Variants in PDE8A observed in about 807,000 individuals in gnomAD.
The protein encoded by PDE8A is phosphodiesterase 8A, also known as high affinity cAMP-specific and IBMX-insensitive 3',5'-cyclic phosphodiesterase 8A.
A neutral mutation model predicts 105.0 loss-of-function variants in PDE8A; 59 were observed. The observed-to-expected ratio is 0.56, with a 90% CI of 0.46 to 0.70. PDE8A has a LOEUF of 0.70. Ranked by LOEUF, PDE8A falls within the 30% of genes least tolerant of loss-of-function variation. PDE8A has a pLI of 0.00. For missense variants in PDE8A, 1,014 were observed against 1,045.9 expected (o/e 0.97, Z 0.42); for synonymous variants, 355 against 371.9 (o/e 0.95, Z 0.52).
intron 8 of PDE8A, among the ~76,000 whole-genome samples, chr15:85,097,126 T>TGTCCTGTTG (rs3042699): frequency 0.055 from 8,397 of 152,184 alleles, 376 homozygotes; most frequent in African/African-American, 0.12. Flanking sequence ...AGGGGTTCAG[T>TGTCCTGTTG]GTCCTGTTGT....
chr15:84,990,943 T>C (rs751786885), intron 1 of PDE8A, among the ~76,000 whole-genome samples: 1 of 152,266 alleles, frequency 6.6e-6, no homozygotes, highest in Non-Finnish European at 1.5e-5. Context: ...TGTGTAGTGG[T>C]ATCTCATTGT....
chr15:85,052,261 T>C (rs762936014), intron 1 of PDE8A, among the ~76,000 whole-genome samples: 10 of 152,238 alleles, frequency 6.6e-5, no homozygotes, highest in Non-Finnish European at 1.3e-4. Flanking sequence ...TTTGCTATTG[T>C]GAATAGCGCC....
rs150030312 is a variant in PDE8A at position 85,113,536 on chromosome 15, G to A, written c.1185+89G>A. 844 of 1,071,616 alleles carry A rather than the reference G, an allele frequency of 7.9e-4. 9 individuals carry two copies. In the East Asian group the frequency reaches 0.015, roughly 19 times the overall value. 66.4% of individuals were successfully genotyped at this position (1,071,616 alleles called of 1,614,324 possible). Reference sequence around the variant, plus strand: ...TTCCAATGAGAAGAAACAGGGACCCGCAGTAATGAGCATGCTGTCATAGTT... The same window carrying A: ...TTCCAATGAGAAGAAACAGGGACCCACAGTAATGAGCATGCTGTCATAGTT... On this transcript the variant is annotated intron_variant, in intron 13 of 21. Transcript: ENST00000394553.
chr15:84,985,629 A>G (rs527632021), intron 1 of PDE8A, among the ~76,000 whole-genome samples: 1 of 152,164 alleles, frequency 6.6e-6, no homozygotes, highest in East Asian at 1.9e-4. Context: ...CCACACCCCA[A>G]CTAATCAACT....
chr15:85,079,646 C>T (rs1470149639), intron 5 of PDE8A, among the ~76,000 whole-genome samples: 1 of 152,234 alleles, frequency 6.6e-6, no homozygotes, highest in African/African-American at 2.4e-5. Flanking sequence ...GGCACGGTGG[C>T]TCACGCCTGT....
intron 1 of PDE8A, among the ~76,000 whole-genome samples, chr15:85,028,712 CTGT>C (rs1033868662): frequency 6.6e-6 from 1 of 151,940 alleles, no homozygotes; most frequent in African/African-American, 2.4e-5. Flanking sequence ...AAAATCTTGC[CTGT>C]TTTTTAATCC....
intron 1 of PDE8A, among the ~76,000 whole-genome samples, chr15:85,029,518 CCT>C (rs1001520513): frequency 6.6e-6 from 1 of 151,416 alleles, no homozygotes; most frequent in African/African-American, 2.4e-5. Flanking sequence ...GAGCTTATTA[CCT>C]CTCTTATGTT....
At chr15:85,076,576 AAC>A (rs542161131) in intron 4 of PDE8A, among the ~76,000 whole-genome samples, 155 bp from the exon 5 acceptor site, 2 of 152,190 alleles carry the variant, frequency 1.3e-5, no homozygotes, top group Admixed American at 6.5e-5. Context: ...TGAAACAGAA[AAC>A]AGTTTTCAAC....
chr15:85,076,581 T>C, intron 4 of PDE8A, 152 bp from the exon 5 acceptor site: 1 of 584,070 alleles, frequency 1.7e-6, no homozygotes, highest in East Asian at 2.8e-5. Context: ...CAGAAAACAG[T>C]TTTCAACTTT....
At chr15:85,086,020 A>G (rs1019356566) in intron 6 of PDE8A, among the ~76,000 whole-genome samples, 3 of 113,382 alleles carry the variant, frequency 2.6e-5, no homozygotes, top group Admixed American at 1.6e-4. Flanking sequence ...CTCAAAAAGT[A>G]AAAAAAAAAA....
At chr15:85,009,110 A>AGAGAGT (rs1246239884) in intron 1 of PDE8A, among the ~76,000 whole-genome samples, 1 of 64,112 alleles carries the variant, frequency 1.6e-5, no homozygotes, top group African/African-American at 4.6e-5. Context: ...AGAGAGAGAG[A>AGAGAGT]GTGTGTGTGT....
chr15:85,049,012 G>C (rs562096263), intron 1 of PDE8A, among the ~76,000 whole-genome samples: 15 of 152,290 alleles, frequency 9.8e-5, no homozygotes, highest in African/African-American at 3.6e-4. Context: ...TGAGGCAGGA[G>C]AATTGCTTGA....
chr15:85,102,150 G>C (rs2141569274), intron 11 of PDE8A, among the ~76,000 whole-genome samples: 1 of 152,188 alleles, frequency 6.6e-6, no homozygotes, highest in South Asian at 2.1e-4. Flanking sequence ...GGAGGGGTGA[G>C]GTGGATTCCT....
At chr15:85,133,864 G>A (rs1419809210) in intron 20 of PDE8A, among the ~76,000 whole-genome samples, 2 of 152,218 alleles carry the variant, frequency 1.3e-5, no homozygotes, top group Non-Finnish European at 2.9e-5. Context: ...GTTTGTCTCT[G>A]GCTGGGGCTG....
chr15:85,014,542 G>A (rs936266007), intron 1 of PDE8A, among the ~76,000 whole-genome samples: 4 of 152,118 alleles, frequency 2.6e-5, no homozygotes, highest in African/African-American at 9.7e-5. Context: ...ATCCTCCAAA[G>A]GGGACCTGTT....
At chr15:85,100,372 A>G in intron 11 of PDE8A, 174 bp downstream of exon 11, 1 of 608,946 alleles carries the variant, frequency 1.6e-6, no homozygotes, top group Non-Finnish European at 2.9e-6. Context: ...AGAGGACTTG[A>G]GCGCTTGTGA....
At chr15:85,065,055 AG>A (rs1375244748) in intron 2 of PDE8A, among the ~76,000 whole-genome samples, 2 of 152,070 alleles carry the variant, frequency 1.3e-5, no homozygotes, top group Admixed American at 6.6e-5. Flanking sequence ...GTGTTTAGAG[AG>A]AGAGAGAAAG....
intron 1 of PDE8A, among the ~76,000 whole-genome samples, chr15:85,043,396 C>T (rs564497753): frequency 6.6e-6 from 1 of 152,186 alleles, no homozygotes; most frequent in South Asian, 2.1e-4. Context: ...GAGGTAGATT[C>T]TAGTCTGGCC....
intron 2 of PDE8A, among the ~76,000 whole-genome samples, chr15:85,066,210 A>G (rs749983836): frequency 6.6e-6 from 1 of 152,178 alleles, no homozygotes; most frequent in Non-Finnish European, 1.5e-5. Context: ...TTTAGTTTCA[A>G]GATAAAATGC....
Sources: gnomAD v4.1 joint callset for allele counts (sites outside exome capture counted in the v4.1 genomes callset) on GRCh38, gnomAD v4.1.1 for gene constraint, MANE v1.5 for transcripts, NCBI Gene and HGNC (gene_info 2026-07-23, HGNC 2026-07-21) for gene names.